NRK: variants seen among roughly 807,000 people sequenced by gnomAD.
NRK encodes the protein nik-related protein kinase.
NRK carries 67 observed loss-of-function variants against 125.2 expected under a neutral mutation model. The observed-to-expected ratio is 0.54, with a 90% CI of 0.44 to 0.66. NRK has a LOEUF of 0.66. NRK is among the 30% of genes least tolerant of loss of function. The pLI, the probability that NRK is intolerant of heterozygous loss-of-function variation, is 0.00. For synonymous variants in NRK, 458 were observed against 429.0 expected (o/e 1.07, Z -0.84); for missense variants, 1,224 against 1,192.9 (o/e 1.03, Z -0.38).
At chrX:105,900,211 G>A (rs933920967) in intron 8 of NRK, among the ~76,000 whole-genome samples, 2 of 109,281 alleles carry the variant, frequency 1.8e-5, no homozygotes, top group Non-Finnish European at 3.8e-5. Flanking sequence ...TCCTATGTAA[G>A]TGTATGCTAT....
chrX:105,895,192 C>A (rs1333791958), intron 6 of NRK: 1 of 506,274 alleles, frequency 2.0e-6, no homozygotes, highest in Non-Finnish European at 3.5e-6. Context: ...ACTTTTGGTG[C>A]TCTTTTTTTT....
intron 16 of NRK, among the ~76,000 whole-genome samples, chrX:105,919,818 G>A (rs1329208345): frequency 5.4e-5 from 6 of 111,269 alleles, no homozygotes; most frequent in African/African-American, 2.0e-4. Flanking sequence ...AGTAGGTTGC[G>A]AAAATTTTCT....
At chrX:105,887,014 A>G (rs895441737) in intron 4 of NRK, among the ~76,000 whole-genome samples, 5 of 111,492 alleles carry the variant, frequency 4.5e-5, no homozygotes, top group African/African-American at 1.6e-4. Context: ...AAGCTTTGTG[A>G]CCTATGATTT....
At position 105,955,999 on chromosome X, in the gene NRK, A is replaced by G. The variant is rs2040972036; in HGVS notation, c.*399A>G. On this transcript the variant is annotated 3_prime_UTR_variant, in exon 29 of 29. Coordinates refer to ENST00000243300, the MANE Select transcript of NRK (RefSeq NM_198465.4). ...TAAGATTTTTCAGAAAAAGAAAAAC[A>G]TCGGCAAACTGTGTGTGATTTTTCC... is the stretch of plus-strand genomic sequence containing the variant. 8.7e-6 allele frequency: 1 copy of G among 114,579 alleles called. No individual in the cohort carries two copies. The highest frequency in any genetic ancestry group is 3.2e-5 in the African/African-American group (1 of 30,926). The allele number at this position is 114,579 out of a possible 1,213,427, so 9.4% of individuals were successfully genotyped here. A position where few individuals can be genotyped will look rare whatever the true frequency, so the allele number is the denominator to read the frequency against.
intron 2 of NRK, among the ~76,000 whole-genome samples, chrX:105,868,477 A>G (rs961982188): frequency 9.0e-6 from 1 of 111,126 alleles, no homozygotes; most frequent in Non-Finnish European, 1.9e-5. Flanking sequence ...AAACAACCAG[A>G]TAATTGTTAT....
chrX:105,870,060 C>T (rs1032589387), intron 2 of NRK, among the ~76,000 whole-genome samples: 2 of 111,096 alleles, frequency 1.8e-5, no homozygotes, highest in African/African-American at 6.6e-5. Context: ...AAAAGGTATA[C>T]AATCTACCAT....
At chrX:105,874,074 T>A (rs2039783642) in intron 2 of NRK, among the ~76,000 whole-genome samples, 1 of 111,621 alleles carries the variant, frequency 9.0e-6, no homozygotes, top group African/African-American at 3.3e-5. Context: ...TTTGTCCACA[T>A]ACCTTACTCA....
At position 105,945,030 on chromosome X, in the gene NRK, A is replaced by G. The variant is rs191592588; in HGVS notation, c.4060-842A>G. The stretch of plus-strand genomic sequence containing the variant: ...TTCTACTTAAATGGAATTATTTTGT[A>G]TTTATTCCATAGTAATGAGGGTTGA... On this transcript the variant is annotated intron_variant, in intron 24 of 28. Transcript: ENST00000243300. 1.1e-3 allele frequency among the ~76,000 whole-genome samples: 118 copies of G among 112,004 alleles called. 1 individual carries two copies. The highest frequency in any genetic ancestry group is 3.6e-3 in the African/African-American group (111 of 30,826).
intron 2 of NRK, among the ~76,000 whole-genome samples, chrX:105,873,661 T>C (rs1040689257): frequency 1.8e-5 from 2 of 111,938 alleles, no homozygotes; most frequent in African/African-American, 3.2e-5. Context: ...CCCTTTTTCC[T>C]TTCTTCCCTT....
intron 11 of NRK, among the ~76,000 whole-genome samples, chrX:105,906,927 TAAAAG>T (rs1371894161): frequency 9.1e-6 from 1 of 110,344 alleles, no homozygotes; most frequent in African/African-American, 3.3e-5. Flanking sequence ...ATAAAATAAA[TAAAAG>T]ATAAAAGGTA....
chrX:105,833,962 T>C (rs1335674109), intron 2 of NRK, among the ~76,000 whole-genome samples: 1 of 111,973 alleles, frequency 8.9e-6, no homozygotes, highest in Non-Finnish European at 1.9e-5. Context: ...ACTTACTCTT[T>C]TCCCTGTTTT....
At chrX:105,939,771 TAA>T (rs1167006856) in intron 22 of NRK, 101 bp from the exon 23 acceptor site, 1 of 477,228 alleles carries the variant, frequency 2.1e-6, no homozygotes, top group Non-Finnish European at 3.4e-6. Flanking sequence ...CTTTTTACGT[TAA>T]TAAAGATATT....
Position 105,908,231 on chromosome X carries a change from TA to T in NRK, c.1022-2del. The T allele has an allele frequency of 2.1e-5, 22 of 1,050,866 alleles. No individual in the cohort carries two copies. The highest frequency in any genetic ancestry group is 2.5e-4 in the Middle Eastern group (1 of 4,003). 86.6% of individuals were successfully genotyped at this position (1,050,866 alleles called of 1,213,427 possible). On this transcript the variant is annotated splice_polypyrimidine_tract_variant and splice_region_variant and intron_variant, in intron 11 of 28. Transcript: ENST00000243300. ...TTATGCATTATGTTTTTCTCTTTTG[TA>T]AAAAAAGGAATACCTTTGATCTTTG... is the stretch of plus-strand genomic sequence containing the variant.
At position 105,945,982 on chromosome X, in the gene NRK, A is replaced by T; in HGVS notation, c.4170A>T (p.Arg1390Ser). 1 of 1,210,386 alleles carries T rather than the reference A, an allele frequency of 8.3e-7. No individual in the cohort carries two copies. The highest frequency in any genetic ancestry group is 1.1e-6 in the Non-Finnish European group (1 of 894,644). Residue 1390 changes from arginine (R) to serine (S), a missense_variant, in exon 25 of 29, where the codon AGA becomes AGT. Coordinates refer to ENST00000243300, the MANE Select transcript of NRK (RefSeq NM_198465.4). The stretch of plus-strand genomic sequence containing the variant: ...CTGATCCAGTGAACCGGTTTAAGAG[A>T]CCAGATGAGCTCCTTCATTTGCTGA... ...QAADPVNRFK[R>S]PDELLHLLKL... is the part of the protein sequence containing the mutation.
chrX:105,899,521 C>T (rs778249655), intron 8 of NRK, among the ~76,000 whole-genome samples: 4 of 111,862 alleles, frequency 3.6e-5, no homozygotes, highest in East Asian at 2.8e-4. Flanking sequence ...TTAGGAGCTA[C>T]GAAGACTATG....
intron 2 of NRK, among the ~76,000 whole-genome samples, chrX:105,860,779 G>A (rs757973766): frequency 9.0e-6 from 1 of 110,747 alleles, no homozygotes; most frequent in African/African-American, 3.3e-5. Flanking sequence ...GTTTATTCAT[G>A]TCGTAGTATG....
intron 2 of NRK, among the ~76,000 whole-genome samples, chrX:105,839,409 T>C (rs1309712692): frequency 9.0e-6 from 1 of 110,895 alleles, no homozygotes; most frequent in Non-Finnish European, 1.9e-5. Context: ...TGAAGCTGAG[T>C]TGAGGCCACA....
chrX:105,832,174 G>T (rs904962721), intron 2 of NRK, among the ~76,000 whole-genome samples: 2 of 111,387 alleles, frequency 1.8e-5, no homozygotes, highest in Non-Finnish European at 3.8e-5. Flanking sequence ...TAAAGCAAGG[G>T]GGCTTAATTT....
In NRK at chrX:105,949,436, A is replaced by T. The variant is rs1279710744; in HGVS notation, c.4354-139A>T. On this transcript the variant is annotated intron_variant, in intron 26 of 28. Transcript: ENST00000243300. ...TCTTCAAATATTGGATAGCATGCTT[A>T]TTACTTTGGAAATAGAGGTTTCTCT... The T allele has an allele frequency of 1.5e-5, 6 of 394,033 alleles. No homozygotes were observed. The East Asian group carries it at 2.0e-4, about 13-fold the overall frequency. The allele number at this position is 394,033 out of a possible 1,213,427, so 32.5% of individuals were successfully genotyped here.
Sources: gnomAD v4.1 joint callset for allele counts (sites outside exome capture counted in the v4.1 genomes callset) on GRCh38, gnomAD v4.1.1 for gene constraint, MANE v1.5 for transcripts, NCBI Gene and HGNC (gene_info 2026-07-23, HGNC 2026-07-21) for gene names.